The following FLRT2 variants were observed in gnomAD, a reference collection of about 807,000 sequenced individuals.
FLRT2 encodes leucine-rich repeat transmembrane protein FLRT2.
FLRT2 carries 15 observed loss-of-function variants against 40.0 expected under a neutral mutation model. The ratio of observed to expected loss-of-function variants is 0.38; its 90% confidence interval spans 0.25 to 0.58. The LOEUF (loss-of-function observed/expected upper bound fraction) is 0.58. FLRT2 is among the 20% of genes least tolerant of loss of function. FLRT2 has a pLI of 0.71. For synonymous variants in FLRT2, 380 were observed against 336.8 expected (o/e 1.13, Z -1.41); for missense variants, 726 against 840.0 (o/e 0.86, Z 1.68).
At chr14:85,562,560 A>G (rs547535583) in intron 1 of FLRT2, 3 of 151,162 alleles carry the variant, frequency 2.0e-5, no homozygotes, top group Non-Finnish European at 4.4e-5. Context: ...AGGTGGGTCT[A>G]TAATGTTAGT....
intron 1 of FLRT2, among the ~76,000 whole-genome samples, chr14:85,617,955 T>C (rs1252334323): frequency 1.3e-5 from 2 of 152,184 alleles, no homozygotes; most frequent in African/African-American, 4.8e-5. Flanking sequence ...CATCATCTTC[T>C]TATATAATTA....
intron 1 of FLRT2, among the ~76,000 whole-genome samples, chr14:85,563,369 G>C (rs1376815782): frequency 6.6e-6 from 1 of 152,150 alleles, no homozygotes; most frequent in Admixed American, 6.5e-5. Context: ...GTGTTAGTTT[G>C]TTCTCACACT....
chr14:85,580,233 C>A (rs1891322811), intron 1 of FLRT2, among the ~76,000 whole-genome samples: 1 of 152,120 alleles, frequency 6.6e-6, no homozygotes, highest in South Asian at 2.1e-4. Flanking sequence ...GGACAGTGTG[C>A]CTGGTTTGCC....
rs529290352 is a variant in FLRT2 at position 85,615,395 on chromosome 14, T to A, written c.-376-5744T>A. On this transcript the variant is annotated intron_variant, in intron 1 of 1. Transcript: ENST00000330753. The stretch of plus-strand genomic sequence containing the variant: ...CAAGAGCATAGCTTTTCCTTTTTGG[T>A]CTGATTTTAATGTTTTCAATTTTAG... Among the ~76,000 whole-genome samples, 3 of 152,318 alleles carry A rather than the reference T, an allele frequency of 2.0e-5. No homozygotes were observed. The South Asian group carries it at 6.2e-4, about 32-fold the overall frequency.
intron 1 of FLRT2, among the ~76,000 whole-genome samples, chr14:85,582,341 G>T (rs1228303909): frequency 6.6e-6 from 1 of 152,148 alleles, no homozygotes; most frequent in Non-Finnish European, 1.5e-5. Flanking sequence ...CTTGAATGGA[G>T]ACCCTAAGGA....
chr14:85,621,450 G>A lies in FLRT2; in HGVS notation c.-65G>A, dbSNP rs1893373595. 1 of 1,445,642 alleles carries A rather than the reference G, an allele frequency of 6.9e-7. No homozygotes were observed. The highest frequency in any genetic ancestry group is 1.4e-5 in the South Asian group (1 of 73,050). The allele number at this position is 1,445,642 out of a possible 1,614,324, so 89.6% of individuals were successfully genotyped here. ...AACCCCATCCAGTCATTTTGATTTT[G>A]CTGTTTATTTTTTTTTTCTTTTTCT... On this transcript the variant is annotated 5_prime_UTR_variant, in exon 2 of 2. Transcript: ENST00000330753.
chr14:85,633,799 CAA>C lies in FLRT2; in HGVS notation c.*10316_*10317del, dbSNP rs34325945. On this transcript the variant is annotated 3_prime_UTR_variant, in exon 2 of 2. Transcript: ENST00000330753. ...TAGGCAACTGAGCAAGACCCTGTCT[CAA>C]AAAAAAAAAAAAAGTAATAAATTTC... is the stretch of plus-strand genomic sequence containing the variant. 1.4e-3 allele frequency: 201 copies of C among 139,248 alleles called. No individual in the cohort carries two copies. The highest frequency in any genetic ancestry group is 1.4e-3 in the Admixed American group (19 of 13,946). The allele number at this position is 139,248 out of a possible 1,614,324, so 8.6% of individuals were successfully genotyped here. A position where few individuals can be genotyped will look rare whatever the true frequency, so the allele number is the denominator to read the frequency against.
chr14:85,610,226 GA>G lies in FLRT2; in HGVS notation c.-376-10903del, dbSNP rs546441535. ...TTCTAAAGAGAATTTGAGACAGGTG[GA>G]AAAAAAAAAGTGTGGGGATGTTCGC... is the stretch of plus-strand genomic sequence containing the variant. On this transcript the variant is annotated intron_variant, in intron 1 of 1. Coordinates refer to ENST00000330753, the MANE Select transcript of FLRT2 (RefSeq NM_013231.6). Among the ~76,000 whole-genome samples the G allele has an allele frequency of 1.9e-3, 279 of 148,334 alleles. 1 individual carries two copies. The highest frequency in any genetic ancestry group is 7.5e-3 in the East Asian group (38 of 5,092).
intron 1 of FLRT2, among the ~76,000 whole-genome samples, chr14:85,581,260 G>T (rs1450146545): frequency 6.6e-6 from 1 of 152,178 alleles, no homozygotes; most frequent in African/African-American, 2.4e-5. Context: ...TTTGAAGATG[G>T]TCGAGGGCAG....
Position 85,637,106 on chromosome 14 carries a change from C to T in FLRT2, c.*13609C>T, listed in dbSNP as rs909155532. On this transcript the variant is annotated 3_prime_UTR_variant, in exon 2 of 2. Coordinates refer to ENST00000330753, the MANE Select transcript of FLRT2 (RefSeq NM_013231.6). ...CATGTTTTGTGGAGATAAATGTAAA[C>T]ACATTTTACACATACAAATCTTTTC... The T allele has an allele frequency of 6.6e-6, 1 of 151,970 alleles. No homozygotes were observed. The highest frequency in any genetic ancestry group is 2.1e-4 in the South Asian group (1 of 4,820). 9.4% of individuals were successfully genotyped at this position (151,970 alleles called of 1,614,324 possible). A position where few individuals can be genotyped will look rare whatever the true frequency, so the allele number is the denominator to read the frequency against.
rs1566763272 is a variant in FLRT2, at chr14:85,622,567, G to A, written c.1053G>A (p.Arg351=). Reference sequence around the variant, plus strand: ...AACAAGTCCGGGGGATGGCCGTCAGGGAATTAAATATGAATCTTTTGTCCT... The same window carrying A: ...AACAAGTCCGGGGGATGGCCGTCAGAGAATTAAATATGAATCTTTTGTCCT... The part of the protein sequence containing the change: ...GPEQVRGMAV[R]ELNMNLLSCP... Residue 351 remains arginine (R), a synonymous_variant, in exon 2 of 2, where the codon AGG becomes AGA. Coordinates refer to ENST00000330753, the MANE Select transcript of FLRT2 (RefSeq NM_013231.6). The A allele has an allele frequency of 1.9e-6, 3 of 1,613,722 alleles. No individual in the cohort carries two copies. In the East Asian group the frequency reaches 6.7e-5, roughly 36 times the overall value.
intron 1 of FLRT2, among the ~76,000 whole-genome samples, chr14:85,599,843 A>T (rs908015399): frequency 2.6e-5 from 4 of 152,188 alleles, no homozygotes; most frequent in Non-Finnish European, 5.9e-5. Flanking sequence ...TCACATAGCT[A>T]GGAAGTGTTA....
intron 1 of FLRT2, among the ~76,000 whole-genome samples, chr14:85,597,691 G>T (rs1314783333): frequency 6.6e-6 from 1 of 152,168 alleles, no homozygotes; most frequent in Non-Finnish European, 1.5e-5. Context: ...TGAGTAGCTG[G>T]GATTACAGGC....
intron 1 of FLRT2, among the ~76,000 whole-genome samples, chr14:85,606,546 G>C (rs995021297): frequency 7.2e-6 from 1 of 138,300 alleles, no homozygotes; most frequent in African/African-American, 2.7e-5. Context: ...TTTTTTTTGA[G>C]AGGGAGTGCT....
chr14:85,574,250 T>A (rs973844684), intron 1 of FLRT2, among the ~76,000 whole-genome samples: 9 of 150,856 alleles, frequency 6.0e-5, no homozygotes, highest in Non-Finnish European at 8.9e-5. Flanking sequence ...TATATATAAA[T>A]AAAAAACATA....
In FLRT2 at chr14:85,623,299, G is replaced by A; in HGVS notation, c.1785G>A (p.Lys595=). 2.0e-6 allele frequency: 3 copies of A among 1,515,900 alleles called. No individual in the cohort carries two copies. The highest frequency in any genetic ancestry group is 2.7e-5 in the South Asian group (2 of 74,554). 93.9% of individuals were successfully genotyped at this position (1,515,900 alleles called of 1,614,324 possible). Residue 595 remains lysine (K), a synonymous_variant, in exon 2 of 2, where the codon AAG becomes AAA. Coordinates refer to ENST00000330753, the MANE Select transcript of FLRT2 (RefSeq NM_013231.6). ...ATTATTGCGAGGCAGGCACCAAGAAGGACAACTCCATCCTGGAGATGACAG... is the reference window on the plus strand; with the variant it reads ...ATTATTGCGAGGCAGGCACCAAGAAAGACAACTCCATCCTGGAGATGACAG... ...KDDYCEAGTK[K]DNSILEMTET...
intron 1 of FLRT2, among the ~76,000 whole-genome samples, chr14:85,557,509 G>A (rs146793931): frequency 6.6e-6 from 1 of 152,130 alleles, no homozygotes; most frequent in Admixed American, 6.5e-5. Context: ...GGCCCAGATA[G>A]AGTATAAAAA....
rs919949895 is a variant in FLRT2 at position 85,649,604 on chromosome 14, T to C, written c.*26107T>C. The C allele has an allele frequency of 2.0e-5, 3 of 152,122 alleles. No individual in the cohort carries two copies. The highest frequency in any genetic ancestry group is 6.6e-5 in the Admixed American group (1 of 15,248). The allele number at this position is 152,122 out of a possible 1,614,324, so 9.4% of individuals were successfully genotyped here. ...AAAGCTCAGAATCAAAACCAGAATG[T>C]TGTTTTGATCATACTGGTTTTAGGC... On this transcript the variant is annotated 3_prime_UTR_variant, in exon 2 of 2. Transcript: ENST00000330753.
In FLRT2 at chr14:85,649,801, T is replaced by C. The variant is rs369372913; in HGVS notation, c.*26304T>C. The C allele has an allele frequency of 2.0e-5, 3 of 152,220 alleles. No homozygotes were observed. The East Asian group carries it at 5.8e-4, about 29-fold the overall frequency. The allele number at this position is 152,220 out of a possible 1,614,324, so 9.4% of individuals were successfully genotyped here. A position where few individuals can be genotyped will look rare whatever the true frequency, so the allele number is the denominator to read the frequency against. On this transcript the variant is annotated 3_prime_UTR_variant, in exon 2 of 2. Coordinates refer to ENST00000330753, the MANE Select transcript of FLRT2 (RefSeq NM_013231.6). The stretch of plus-strand genomic sequence containing the variant: ...CAGTTTCAAAGGAGAGAGAGTGTTT[T>C]TGGTAAAGGCAATAAATTATTTTTT...
Sources: gnomAD v4.1 joint callset for allele counts (sites outside exome capture counted in the v4.1 genomes callset) on GRCh38, gnomAD v4.1.1 for gene constraint, MANE v1.5 for transcripts, NCBI Gene and HGNC (gene_info 2026-07-23, HGNC 2026-07-21) for gene names.